The following ROBO2 variants were observed in gnomAD, a reference collection of about 807,000 sequenced individuals.
ROBO2 encodes the protein roundabout homolog 2.
A neutral mutation model predicts 160.8 loss-of-function variants in ROBO2; 53 were observed. The observed-to-expected ratio is 0.33, with a 90% CI of 0.26 to 0.41. The LOEUF is 0.41. Ranked by LOEUF, ROBO2 falls within the 10% of genes least tolerant of loss-of-function variation. The probability of loss-of-function intolerance (pLI) is 1.00; values close to 1 mark genes in which losing one functional copy is unlikely to be tolerated. For synonymous variants in ROBO2, 664 were observed against 611.7 expected (o/e 1.09, Z -1.26); for missense variants, 1,577 against 1,722.4 (o/e 0.92, Z 1.49).
At chr3:76,589,369 G>A (rs1453235836) in intron 2 of ROBO2, among the ~76,000 whole-genome samples, 2 of 151,916 alleles carry the variant, frequency 1.3e-5, no homozygotes, top group Admixed American at 6.6e-5. Context: ...GCGCCATCTC[G>A]GCTCACTGCA....
At chr3:77,333,289 G>C (rs1375858307) in intron 2 of ROBO2, among the ~76,000 whole-genome samples, 1 of 152,028 alleles carries the variant, frequency 6.6e-6, no homozygotes, top group African/African-American at 2.4e-5. Context: ...ATTAAACCTG[G>C]GTGTTCCTAA....
intron 2 of ROBO2, among the ~76,000 whole-genome samples, chr3:76,817,591 A>G (rs2065782386): frequency 6.6e-6 from 1 of 151,962 alleles, no homozygotes; most frequent in Non-Finnish European, 1.5e-5. Context: ...TGGTGCACCA[A>G]TCACCCAAGC....
At chr3:76,940,124 GGC>G (rs1252601756) in intron 2 of ROBO2, among the ~76,000 whole-genome samples, 1 of 151,914 alleles carries the variant, frequency 6.6e-6, no homozygotes, top group Non-Finnish European at 1.5e-5. Flanking sequence ...TGGGAATACA[GGC>G]GCCCGCCACC....
At chr3:76,289,444 T>A (rs1484618136) in intron 2 of ROBO2, among the ~76,000 whole-genome samples, 1 of 152,146 alleles carries the variant, frequency 6.6e-6, no homozygotes, top group Non-Finnish European at 1.5e-5. Flanking sequence ...TAGGTTGTTT[T>A]TTTTATTCTG....
intron 2 of ROBO2, among the ~76,000 whole-genome samples, chr3:76,751,083 G>T (rs1439876885): frequency 2.0e-5 from 3 of 152,034 alleles, no homozygotes; most frequent in Non-Finnish European, 4.4e-5. Context: ...GCATGGTACT[G>T]GTACCAAAAC....
chr3:75,924,015 C>G (rs1384682724), intron 1 of ROBO2, among the ~76,000 whole-genome samples: 1 of 152,194 alleles, frequency 6.6e-6, no homozygotes, highest in African/African-American at 2.4e-5. Context: ...AATCAATAGA[C>G]TAGGACCAAA....
intron 2 of ROBO2, among the ~76,000 whole-genome samples, chr3:77,161,095 T>G (rs1461408239): frequency 1.3e-5 from 2 of 152,170 alleles, no homozygotes; most frequent in African/African-American, 4.8e-5. Flanking sequence ...CCCTGTAAGC[T>G]TCATGGCCTG....
chr3:76,349,494 A>G (rs1234343728), intron 2 of ROBO2, among the ~76,000 whole-genome samples: 4 of 152,124 alleles, frequency 2.6e-5, no homozygotes, highest in African/African-American at 9.6e-5. Flanking sequence ...TCAAGGCCAC[A>G]CAGTTATTTG....
At chr3:76,683,849 CCCGTTTGA>C (rs2092626322) in intron 2 of ROBO2, among the ~76,000 whole-genome samples, 1 of 151,858 alleles carries the variant, frequency 6.6e-6, no homozygotes, top group African/African-American at 2.4e-5. Flanking sequence ...GAGTTTTATT[CCCGTTTGA>C]AATTTAAATT....
chr3:76,879,971 CA>C (rs1251492953), intron 2 of ROBO2, among the ~76,000 whole-genome samples: 1 of 152,022 alleles, frequency 6.6e-6, no homozygotes, highest in Non-Finnish European at 1.5e-5. Context: ...CATTATAAGA[CA>C]AAGAAAAATA....
At chr3:75,941,108 T>C (rs988753336) in intron 2 of ROBO2, among the ~76,000 whole-genome samples, 2 of 152,230 alleles carry the variant, frequency 1.3e-5, no homozygotes, top group Non-Finnish European at 2.9e-5. Flanking sequence ...TTATATTTTA[T>C]TTTTATTTCA....
At chr3:76,986,473 A>G (rs1338700018) in intron 2 of ROBO2, among the ~76,000 whole-genome samples, 1 of 152,030 alleles carries the variant, frequency 6.6e-6, no homozygotes, top group African/African-American at 2.4e-5. Context: ...CCTATTACTC[A>G]TTGCCAGAAT....
chr3:76,584,786 T>G (rs181620410), intron 2 of ROBO2, among the ~76,000 whole-genome samples: 1 of 152,302 alleles, frequency 6.6e-6, no homozygotes, highest in East Asian at 1.9e-4. Flanking sequence ...GCCTTGATAA[T>G]AATATGCTCT....
chr3:77,181,594 C>G (rs573703347), intron 2 of ROBO2, among the ~76,000 whole-genome samples: 47 of 152,122 alleles, frequency 3.1e-4, no homozygotes, highest in African/African-American at 1.0e-3. Flanking sequence ...ATGTATCCCC[C>G]CTTCTAAAGT....
intron 24 of ROBO2, among the ~76,000 whole-genome samples, chr3:77,640,880 A>G (rs1219159036): frequency 2.0e-5 from 3 of 152,230 alleles, no homozygotes; most frequent in Non-Finnish European, 2.9e-5. Flanking sequence ...ATGAAGCTAT[A>G]TAATTTTAGG....
At chr3:76,714,055 G>A (rs543481071) in intron 2 of ROBO2, among the ~76,000 whole-genome samples, 5 of 151,816 alleles carry the variant, frequency 3.3e-5, no homozygotes, top group Non-Finnish European at 7.4e-5. Flanking sequence ...GAAATAGGGC[G>A]GCCTGCTTAA....
rs544722378 is a variant in ROBO2, at chr3:76,062,989, C to T, written c.109+125387C>T. Among the ~76,000 whole-genome samples the T allele has an allele frequency of 1.7e-4, 26 of 152,220 alleles. No individual in the cohort carries two copies. The South Asian group carries it at 5.4e-3, about 32-fold the overall frequency. ...AATCAGAGTTCATTTAAGTGATTTTCTATTCATAATTTAGAAATCAATTAC... is the reference window on the plus strand; with the variant it reads ...AATCAGAGTTCATTTAAGTGATTTTTTATTCATAATTTAGAAATCAATTAC... On this transcript the variant is annotated intron_variant, in intron 2 of 26. Coordinates refer to the ROBO2 transcript ENST00000487694.
intron 2 of ROBO2, among the ~76,000 whole-genome samples, chr3:77,258,466 A>G (rs1361280167): frequency 6.6e-6 from 1 of 152,140 alleles, no homozygotes; most frequent in Non-Finnish European, 1.5e-5. Flanking sequence ...TTAAAAGTCC[A>G]GGTAAGATTA....
At chr3:76,694,820 C>A (rs564825840) in intron 2 of ROBO2, among the ~76,000 whole-genome samples, 2 of 151,994 alleles carry the variant, frequency 1.3e-5, no homozygotes, top group African/African-American at 2.4e-5. Flanking sequence ...TATTATGATA[C>A]CTTAGTTTTA....
Sources: gnomAD v4.1 joint callset for allele counts (sites outside exome capture counted in the v4.1 genomes callset) on GRCh38, gnomAD v4.1.1 for gene constraint, MANE v1.5 for transcripts, NCBI Gene and HGNC (gene_info 2026-07-23, HGNC 2026-07-21) for gene names.